STAMBPL1: variants seen among roughly 807,000 people sequenced by gnomAD.
STAMBPL1 encodes the protein STAM binding protein like 1, also known as AMSH-like protease.
In STAMBPL1, 44 loss-of-function variants were observed where a neutral mutation model predicts 52.9. That is an observed-to-expected ratio of 0.83 (90% confidence interval 0.65 to 1.07). The LOEUF is 1.07. Among genes scored for constraint, STAMBPL1 ranks in the 50% least tolerant of loss-of-function variants. The pLI is 0.00. For missense variants in STAMBPL1, 511 were observed against 520.8 expected (o/e 0.98, Z 0.18); for synonymous variants, 164 against 177.3 (o/e 0.92, Z 0.60).
At chr10:88,897,115 T>C (rs1256939701) in intron 1 of STAMBPL1, among the ~76,000 whole-genome samples, 1 of 152,160 alleles carries the variant, frequency 6.6e-6, no homozygotes, top group Non-Finnish European at 1.5e-5. Context: ...GAATAAACTG[T>C]TACAAGCTCA....
At chr10:88,893,952 T>C (rs1224962119) in intron 1 of STAMBPL1, 1 of 152,154 alleles carries the variant, frequency 6.6e-6, no homozygotes, top group Non-Finnish European at 1.5e-5. Flanking sequence ...ACTGTGAGTA[T>C]AAGCCCTGAA....
intron 1 of STAMBPL1, among the ~76,000 whole-genome samples, chr10:88,881,504 C>T (rs1844405303): frequency 6.6e-6 from 1 of 152,072 alleles, no homozygotes; most frequent in African/African-American, 2.4e-5. Context: ...CACTGCTTTC[C>T]AAACATCTTG....
In STAMBPL1 at chr10:88,905,481, C is replaced by T. The variant is rs757470749; in HGVS notation, c.69C>T (p.Ser23=). Residue 23 remains serine, a synonymous_variant, in exon 3 of 11, where the codon TCC becomes TCT. Transcript: ENST00000371926. ...LAAMPDHTDV[S]LSPEERVRAL... ...CTATGCCTGACCATACAGATGTTTCCCTAAGCCCAGAAGAGCGAGTCCGTG... is the reference window on the plus strand; with the variant it reads ...CTATGCCTGACCATACAGATGTTTCTCTAAGCCCAGAAGAGCGAGTCCGTG... The T allele has an allele frequency of 1.2e-6, 2 of 1,614,068 alleles. No homozygotes were observed. The highest frequency in any genetic ancestry group is 1.7e-5 in the Admixed American group (1 of 60,016).
chr10:88,904,332 T>C (rs768228087), intron 2 of STAMBPL1, among the ~76,000 whole-genome samples: 8 of 152,238 alleles, frequency 5.3e-5, no homozygotes, highest in Non-Finnish European at 1.2e-4. Flanking sequence ...ATCCTGACTA[T>C]AGGTCTGAGG....
chr10:88,889,358 CCAAT>C (rs1257630041), intron 1 of STAMBPL1, among the ~76,000 whole-genome samples: 8 of 152,160 alleles, frequency 5.3e-5, no homozygotes, highest in Admixed American at 4.6e-4. Context: ...ATACATTTTA[CCAAT>C]CAAATACATT....
At chr10:88,889,328 T>C (rs1844619961) in intron 1 of STAMBPL1, among the ~76,000 whole-genome samples, 1 of 152,188 alleles carries the variant, frequency 6.6e-6, no homozygotes. Context: ...TCCTCATCCA[T>C]ATTGAGTTGG....
chr10:88,917,126 G>C (rs1245252981), intron 8 of STAMBPL1, among the ~76,000 whole-genome samples: 1 of 152,140 alleles, frequency 6.6e-6, no homozygotes, highest in East Asian at 1.9e-4. Flanking sequence ...TAGAAAGAAA[G>C]CGAGTAACAT....
At chr10:88,922,136 C>T (rs1234261460) in intron 9 of STAMBPL1, among the ~76,000 whole-genome samples, 1 of 152,014 alleles carries the variant, frequency 6.6e-6, no homozygotes, top group Non-Finnish European at 1.5e-5. Flanking sequence ...CCTGCAGGCT[C>T]TTAGCAGCAG....
intron 1 of STAMBPL1, among the ~76,000 whole-genome samples, chr10:88,891,431 A>G (rs903243749): frequency 2.0e-5 from 3 of 152,210 alleles, no homozygotes; most frequent in African/African-American, 7.2e-5. Context: ...CAAACACCAC[A>G]ATAATTGTCT....
At chr10:88,908,922 T>C (rs1305740085) in intron 4 of STAMBPL1, 145 bp downstream of exon 4, 1 of 652,372 alleles carries the variant, frequency 1.5e-6, no homozygotes, top group Non-Finnish European at 2.5e-6. Flanking sequence ...TGTTTCGATT[T>C]TTTCTTAGAC....
Position 88,916,766 on chromosome 10 carries a change from A to G in STAMBPL1, c.990A>G (p.Glu330=), listed in dbSNP as rs749546842. The G allele has an allele frequency of 6.2e-7, 1 of 1,610,032 alleles. No homozygotes were observed. The highest frequency in any genetic ancestry group is 2.2e-5 in the East Asian group (1 of 44,592). The change falls in exon 8 of 11, where the codon GAA becomes GAG. Residue 330 remains glutamate, a synonymous_variant. Transcript: ENST00000371926. The part of the protein sequence containing the change: ...PDYCDMENVE[E]LFNVQDQHDL... ...ATTGTGACATGGAGAATGTAGAGGA[A>G]TTATTCAATGTTCAGGATCAACATG...
intron 7 of STAMBPL1, 40 bp from the exon 8 acceptor site, chr10:88,916,640 C>A: frequency 7.2e-7 from 1 of 1,386,348 alleles, no homozygotes. Flanking sequence ...TTTTTTTTTT[C>A]TGTGAGATGC....
At chr10:88,883,053 C>G (rs1469393842) in intron 1 of STAMBPL1, among the ~76,000 whole-genome samples, 2 of 142,474 alleles carry the variant, frequency 1.4e-5, no homozygotes, top group Non-Finnish European at 3.0e-5. Context: ...TGTTCCCCTT[C>G]CTGTGTCCAA....
chr10:88,920,278 C>T (rs1319748810), intron 8 of STAMBPL1, among the ~76,000 whole-genome samples: 1 of 152,238 alleles, frequency 6.6e-6, no homozygotes, highest in Non-Finnish European at 1.5e-5. Flanking sequence ...GCAATAACAA[C>T]AGCTAATGAC....
intron 9 of STAMBPL1, among the ~76,000 whole-genome samples, chr10:88,921,996 G>A (rs1213575275): frequency 6.6e-6 from 1 of 152,178 alleles, no homozygotes; most frequent in Non-Finnish European, 1.5e-5. Context: ...GCTATAATCT[G>A]TATTAACATA....
chr10:88,917,867 G>A (rs979380025), intron 8 of STAMBPL1, among the ~76,000 whole-genome samples: 1 of 152,150 alleles, frequency 6.6e-6, no homozygotes, highest in East Asian at 1.9e-4. Flanking sequence ...GATGTCTAGT[G>A]AGGGCTGCTC....
At chr10:88,891,970 G>A (rs2133134340) in intron 1 of STAMBPL1, among the ~76,000 whole-genome samples, 1 of 152,176 alleles carries the variant, frequency 6.6e-6, no homozygotes, top group South Asian at 2.1e-4. Flanking sequence ...GGTGGAAATG[G>A]ATGGAGGACA....
chr10:88,910,822 A>G, intron 4 of STAMBPL1, 94 bp from the exon 5 acceptor site: 1 of 785,852 alleles, frequency 1.3e-6, no homozygotes, highest in Non-Finnish European at 2.0e-6. Flanking sequence ...CTTTATTTGC[A>G]GTATACCTAC....
intron 9 of STAMBPL1, among the ~76,000 whole-genome samples, chr10:88,921,791 A>C (rs950622813): frequency 2.0e-5 from 3 of 152,150 alleles, no homozygotes; most frequent in Non-Finnish European, 2.9e-5. Flanking sequence ...AATCAAAAAA[A>C]CATATTGAAA....
Sources: allele counts gnomAD v4.1 joint callset (sites outside exome capture counted in the v4.1 genomes callset), GRCh38; gene constraint gnomAD v4.1.1; transcripts MANE v1.5; gene names NCBI Gene and HGNC (gene_info 2026-07-23, HGNC 2026-07-21).